The following PRUNE2 variants were observed in gnomAD, a reference collection of about 807,000 sequenced individuals.
The protein encoded by PRUNE2 is prune homolog 2 with BCH domain.
In PRUNE2, 164 loss-of-function variants were observed where a neutral mutation model predicts 252.0. The ratio of observed to expected loss-of-function variants is 0.65; its 90% CI spans 0.57 to 0.74. The LOEUF (loss-of-function observed/expected upper bound fraction) is 0.74. Among genes scored for constraint, PRUNE2 ranks in the 30% least tolerant of loss-of-function variants. The probability of loss-of-function intolerance (pLI) is 0.00; values close to 1 mark genes in which losing one functional copy is unlikely to be tolerated. For synonymous variants in PRUNE2, 1,292 were observed against 1,350.2 expected, an observed-to-expected ratio of 0.96 and a Z score of 0.94; for missense variants, 3,495 against 3,711.0, an observed-to-expected ratio of 0.94 and a Z score of 1.51.
rs1841616830 is a variant in PRUNE2 at position 76,639,439 on chromosome 9, C to CA, written c.8729-1152dup. On this transcript the variant is annotated intron_variant, in intron 12 of 18. Coordinates refer to ENST00000376718, the MANE Select transcript of PRUNE2 (RefSeq NM_015225.3). ...CTGCGAGGCAGAGGTTGCAGTGAGCCAAGATCGTGCCACTGCCCTCCAGCC... is the reference window on the plus strand; with the variant it reads ...CTGCGAGGCAGAGGTTGCAGTGAGCCAAAGATCGTGCCACTGCCCTCCAGCC... Among the ~76,000 whole-genome samples the CA allele has an allele frequency of 3.9e-5, 6 of 152,256 alleles. No individual in the cohort carries two copies. In the South Asian group the frequency reaches 1.2e-3, roughly 32 times the overall value.
intron 6 of PRUNE2, among the ~76,000 whole-genome samples, chr9:76,717,676 A>AC (rs201240711): frequency 0.022 from 3,317 of 148,050 alleles, 63 homozygotes; most frequent in African/African-American, 0.056. Flanking sequence ...TGAACTTACC[A>AC]CCCCCCCCAC....
intron 9 of PRUNE2, among the ~76,000 whole-genome samples, chr9:76,676,583 A>T (rs772073941): frequency 6.6e-6 from 1 of 152,144 alleles, no homozygotes; most frequent in Non-Finnish European, 1.5e-5. Flanking sequence ...CCTACATTTG[A>T]TTCACTTACT....
intron 7 of PRUNE2, among the ~76,000 whole-genome samples, chr9:76,711,780 C>T (rs72732637): frequency 0.023 from 3,525 of 152,278 alleles, 67 homozygotes; most frequent in Middle Eastern, 0.078. Flanking sequence ...TGGGAGGGGG[C>T]AGCCAGGGCT....
chr9:76,811,477 G>A (rs2057352555), intron 6 of PRUNE2, among the ~76,000 whole-genome samples: 1 of 152,176 alleles, frequency 6.6e-6, no homozygotes, highest in African/African-American at 2.4e-5. Context: ...GATACCAACA[G>A]TTATTGGTAT....
rs773448054 is a variant in PRUNE2 at position 76,644,864 on chromosome 9, G to A, written c.8603C>T (p.Pro2868Leu). Residue 2868 changes from proline (P) to leucine (L), a missense_variant, in exon 12 of 19, where the codon CCA (proline) becomes CTA (leucine). Transcript: ENST00000376718. ...CCGTTCCTCTTCGGCCGTATATTCT[G>A]GAATAGACTCTGACTCTTGGCCAGA... ...KDSGQESESI[P>L]EYTAEEERED... The A allele has an allele frequency of 2.5e-6, 4 of 1,613,858 alleles. No individual in the cohort carries two copies. In the South Asian group the frequency reaches 3.3e-5, roughly 13 times the overall value.
chr9:76,753,756 A>T (rs1564218358), intron 6 of PRUNE2, among the ~76,000 whole-genome samples: 1 of 151,840 alleles, frequency 6.6e-6, no homozygotes, highest in African/African-American at 2.4e-5. Context: ...ATACTAAAAG[A>T]AATACAAAAA....
In PRUNE2 at chr9:76,705,848, A is replaced by G; in HGVS notation, c.6426T>C (p.Asp2142=). ...SELCLTEPEI[D]EEPIYEPGRE... ...GTCCAGGCTCATAAATGGGTTCTTC[A>G]TCTATCTCTGGCTCAGTGAGACAAA... The change falls in exon 8 of 19, where the codon GAT becomes GAC. Residue 2142 remains aspartate (D), a synonymous_variant. Coordinates refer to ENST00000376718, the MANE Select transcript of PRUNE2 (RefSeq NM_015225.3). The G allele has an allele frequency of 6.2e-7, 1 of 1,613,660 alleles. No individual in the cohort carries two copies. The highest frequency in any genetic ancestry group is 8.5e-7 in the Non-Finnish European group (1 of 1,179,896).
At chr9:76,752,233 G>T (rs1272010033) in intron 6 of PRUNE2, among the ~76,000 whole-genome samples, 2 of 152,068 alleles carry the variant, frequency 1.3e-5, no homozygotes, top group African/African-American at 4.8e-5. Flanking sequence ...AAGTAGCTGG[G>T]ACTACAGGTG....
chr9:76,840,904 C>T (rs1356713168), intron 4 of PRUNE2, among the ~76,000 whole-genome samples: 1 of 152,072 alleles, frequency 6.6e-6, no homozygotes, highest in Non-Finnish European at 1.5e-5. Context: ...TCGCTTGAAC[C>T]CGAGAGGCGG....
chr9:76,739,849 G>C (rs1204365885), intron 6 of PRUNE2: 2 of 152,112 alleles, frequency 1.3e-5, no homozygotes, highest in African/African-American at 4.8e-5. Flanking sequence ...TCTTTGGGAG[G>C]CCAAGGCAGG....
At chr9:76,760,624 C>T (rs1022284078) in intron 6 of PRUNE2, among the ~76,000 whole-genome samples, 1 of 152,106 alleles carries the variant, frequency 6.6e-6, no homozygotes, top group Admixed American at 6.6e-5. Flanking sequence ...TAGCCAAAAG[C>T]CCCCCAAAAG....
intron 6 of PRUNE2, among the ~76,000 whole-genome samples, chr9:76,736,261 T>C (rs571545706): frequency 6.6e-6 from 1 of 152,002 alleles, no homozygotes; most frequent in Non-Finnish European, 1.5e-5. Context: ...TGTGGGTGTG[T>C]GAAAAAAAAC....
At chr9:76,862,324 C>T (rs2060598147) in intron 1 of PRUNE2, 1 of 152,402 alleles carries the variant, frequency 6.6e-6, no homozygotes, top group South Asian at 2.1e-4. Flanking sequence ...GAGGCTGAGA[C>T]AGGAGAATCG....
chr9:76,641,763 C>G (rs1226876507), intron 12 of PRUNE2, among the ~76,000 whole-genome samples: 1 of 151,758 alleles, frequency 6.6e-6, no homozygotes, highest in Non-Finnish European at 1.5e-5. Flanking sequence ...CTCCTGAGAC[C>G]CTCTGAAGCA....
At chr9:76,838,331 T>C (rs2059179094) in intron 4 of PRUNE2, among the ~76,000 whole-genome samples, 1 of 152,054 alleles carries the variant, frequency 6.6e-6, no homozygotes, top group African/African-American at 2.4e-5. Flanking sequence ...TACTGTATGA[T>C]GCCATTTATA....
chr9:76,851,215 G>A (rs1589579309), intron 2 of PRUNE2, among the ~76,000 whole-genome samples: 1 of 152,082 alleles, frequency 6.6e-6, no homozygotes, highest in Non-Finnish European at 1.5e-5. Flanking sequence ...TCCAGCCAAT[G>A]GTTCACATGT....
At chr9:76,673,082 A>G (rs1341103961) in intron 9 of PRUNE2, among the ~76,000 whole-genome samples, 1 of 152,084 alleles carries the variant, frequency 6.6e-6, no homozygotes, top group Non-Finnish European at 1.5e-5. Flanking sequence ...ATAGAGATAC[A>G]AAAAACCCTT....
At chr9:76,769,778 T>C (rs2052890138) in intron 6 of PRUNE2, among the ~76,000 whole-genome samples, 1 of 152,232 alleles carries the variant, frequency 6.6e-6, no homozygotes, top group Admixed American at 6.5e-5. Context: ...AAAGTAGGCT[T>C]GCTGGATAAA....
At chr9:76,768,231 C>T (rs904818927) in intron 6 of PRUNE2, among the ~76,000 whole-genome samples, 4 of 151,878 alleles carry the variant, frequency 2.6e-5, no homozygotes, top group East Asian at 1.9e-4. Flanking sequence ...CTCGCTCTGT[C>T]GCCCAGGCTG....
Sources: allele counts gnomAD v4.1 joint callset (sites outside exome capture counted in the v4.1 genomes callset), GRCh38; gene constraint gnomAD v4.1.1; transcripts MANE v1.5; gene names NCBI Gene and HGNC (gene_info 2026-07-23, HGNC 2026-07-21).